Variants in LANCL2 observed in about 807,000 individuals in gnomAD.
LANCL2 encodes the protein lanC-like protein 2.
LANCL2 carries 33 observed loss-of-function variants against 56.9 expected under a neutral mutation model. The observed-to-expected ratio is 0.58, with a 90% confidence interval of 0.44 to 0.78. The LOEUF is 0.78. LANCL2 is among the 30% of genes least tolerant of loss of function. LANCL2 has a pLI of 0.00. For missense variants in LANCL2, 562 were observed against 580.2 expected (o/e 0.97, Z 0.32); for synonymous variants, 233 against 228.2 (o/e 1.02, Z -0.19).
intron 2 of LANCL2, chr7:55,393,920 A>G (rs1427565835): frequency 6.6e-6 from 1 of 152,246 alleles, no homozygotes; most frequent in East Asian, 1.9e-4. Flanking sequence ...GGAAAATAAC[A>G]TAGCTATTAG....
In LANCL2 at chr7:55,370,762, A is replaced by AT. The variant is rs554960048; in HGVS notation, c.204+4535dup. On this transcript the variant is annotated intron_variant, in intron 1 of 8. Coordinates refer to ENST00000254770, the MANE Select transcript of LANCL2 (RefSeq NM_018697.4). ...TGAGCAAGGACTTAAGGGATACCAC[A>AT]TTATGAGAATATCAAGGAGTACGGC... Among the ~76,000 whole-genome samples the AT allele has an allele frequency of 3.6e-3, 542 of 152,310 alleles. 2 individuals carry two copies. Among genetic ancestry groups the AT allele is most frequent in the African/African-American group, 0.012 (500 of 41,548 alleles).
intron 6 of LANCL2, among the ~76,000 whole-genome samples, chr7:55,419,861 TC>T (rs1390050378): frequency 6.6e-6 from 1 of 152,186 alleles, no homozygotes; most frequent in Non-Finnish European, 1.5e-5. Flanking sequence ...TTTTAAAACT[TC>T]CTTCTATGGT....
intron 6 of LANCL2, among the ~76,000 whole-genome samples, chr7:55,417,216 T>A (rs1349148860): frequency 6.6e-6 from 1 of 151,996 alleles, no homozygotes; most frequent in Non-Finnish European, 1.5e-5. Context: ...CCTAACCTCA[T>A]GATCTGCCCG....
Position 55,401,201 on chromosome 7 carries a change from A to G in LANCL2, c.706A>G (p.Lys236Glu). Residue 236 changes from lysine to glutamate, a missense_variant, in exon 5 of 9, where the codon AAG (lysine) becomes GAG (glutamate). Lys to Glu is a moderately conservative substitution (Grantham distance 56). Coordinates refer to ENST00000254770, the MANE Select transcript of LANCL2 (RefSeq NM_018697.4). Reference sequence around the variant, plus strand: ...AGTCAATGCTATTATTGAATCGGGTAAGACTTTGTCAAGGGAAGAAAGAAA... The same window carrying G: ...AGTCAATGCTATTATTGAATCGGGTGAGACTTTGTCAAGGGAAGAAAGAAA... ...EVVNAIIESG[K>E]TLSREERKTE... 1 of 1,614,102 alleles carries G rather than the reference A, an allele frequency of 6.2e-7. No homozygotes were observed. Among genetic ancestry groups the G allele is most frequent in the East Asian group, 2.2e-5 (1 of 44,886 alleles).
chr7:55,407,298 G>C (rs1790419212), intron 5 of LANCL2, among the ~76,000 whole-genome samples: 1 of 152,178 alleles, frequency 6.6e-6, no homozygotes, highest in South Asian at 2.1e-4. Context: ...CTGCCTCTCT[G>C]TCACCGCCAG....
At chr7:55,417,273 C>G (rs528896657) in intron 6 of LANCL2, among the ~76,000 whole-genome samples, 1 of 152,200 alleles carries the variant, frequency 6.6e-6, no homozygotes, top group African/African-American at 2.4e-5. Flanking sequence ...GCCACCGTGC[C>G]CAGCCTGAGG....
intron 5 of LANCL2, among the ~76,000 whole-genome samples, chr7:55,410,385 AT>A (rs1404421312): frequency 6.6e-6 from 1 of 152,230 alleles, no homozygotes; most frequent in Non-Finnish European, 1.5e-5. Flanking sequence ...GTATAGTTTT[AT>A]TTCAATGAAA....
At position 55,365,855 on chromosome 7, in the gene LANCL2, C is replaced by T; in HGVS notation, c.-171C>T. 2.1e-6 allele frequency: 1 copy of T among 479,472 alleles called. No individual in the cohort carries two copies. Among genetic ancestry groups the T allele is most frequent in the Non-Finnish European group, 3.6e-6 (1 of 276,598 alleles). The allele number at this position is 479,472 out of a possible 1,614,324, so 29.7% of individuals were successfully genotyped here. On this transcript the variant is annotated 5_prime_UTR_variant, in exon 1 of 9. Coordinates refer to ENST00000254770, the MANE Select transcript of LANCL2 (RefSeq NM_018697.4). ...CTGCGGCCGCCTGATGTGCGAGCAG[C>T]CCGCGACGAGGCAGTGCACGCTCAG...
At chr7:55,376,055 C>A (rs1423491534) in intron 1 of LANCL2, among the ~76,000 whole-genome samples, 3 of 152,136 alleles carry the variant, frequency 2.0e-5, no homozygotes, top group Admixed American at 2.0e-4. Flanking sequence ...AATCCAGCAT[C>A]CTCTCCCTAT....
intron 5 of LANCL2, among the ~76,000 whole-genome samples, chr7:55,411,191 A>G (rs1246008967): frequency 2.0e-5 from 3 of 152,240 alleles, no homozygotes; most frequent in Admixed American, 2.0e-4. Context: ...GAAGCTGTAC[A>G]GTAACTTGAG....
intron 5 of LANCL2, among the ~76,000 whole-genome samples, chr7:55,404,754 C>T (rs954295473): frequency 2.0e-5 from 3 of 152,102 alleles, no homozygotes; most frequent in Non-Finnish European, 4.4e-5. Flanking sequence ...GCTGGGATTA[C>T]AGGCATGCAC....
At chr7:55,428,527 A>G (rs754557464) in intron 8 of LANCL2, 80 bp downstream of exon 8, 125 of 1,116,498 alleles carry the variant, frequency 1.1e-4, no homozygotes, top group Non-Finnish European at 1.2e-4. Context: ...CACTGTTCAT[A>G]TTTGACCTGG....
At chr7:55,401,444 T>C in intron 5 of LANCL2, 124 bp downstream of exon 5, 1 of 569,792 alleles carries the variant, frequency 1.8e-6, no homozygotes, top group South Asian at 2.6e-5. Context: ...GATGCGTAAC[T>C]CTGCCACATA....
chr7:55,412,066 C>T lies in LANCL2; in HGVS notation c.985C>T (p.His329Tyr), dbSNP rs1790476999. 6.2e-7 allele frequency: 1 copy of T among 1,613,980 alleles called. No individual in the cohort carries two copies. The highest frequency in any genetic ancestry group is 1.1e-5 in the South Asian group (1 of 91,066). ...GTGCCACGGCGCCCCGGGGGTCATC[C>T]ACATGCTCATGCAGGCGTACAAGGT... Reference protein sequence around the residue: ...HWCHGAPGVIHMLMQAYKVFK... With the variant: ...HWCHGAPGVIYMLMQAYKVFK... The change falls in exon 6 of 9, where the codon CAC becomes TAC. Residue 329 changes from histidine to tyrosine, a missense_variant. Coordinates refer to ENST00000254770, the MANE Select transcript of LANCL2 (RefSeq NM_018697.4).
chr7:55,393,723 G>T (rs1165925757), intron 2 of LANCL2, among the ~76,000 whole-genome samples: 1 of 151,870 alleles, frequency 6.6e-6, no homozygotes, highest in Non-Finnish European at 1.5e-5. Flanking sequence ...TGCCTATTAT[G>T]CATGCAACAT....
chr7:55,377,548 T>A (rs1425848547), intron 1 of LANCL2, among the ~76,000 whole-genome samples: 1 of 152,194 alleles, frequency 6.6e-6, no homozygotes, highest in Admixed American at 6.5e-5. Flanking sequence ...TTCTAAGATT[T>A]ATTACCATGA....
intron 2 of LANCL2, among the ~76,000 whole-genome samples, chr7:55,392,254 C>G (rs1454841151): frequency 2.6e-5 from 4 of 151,960 alleles, no homozygotes; most frequent in African/African-American, 9.7e-5. Flanking sequence ...GATTGTGCCA[C>G]TGCACTCCAG....
intron 1 of LANCL2, 143 bp downstream of exon 1, chr7:55,366,372 C>T (rs894904570): frequency 5.4e-5 from 36 of 668,036 alleles, no homozygotes; most frequent in Non-Finnish European, 7.3e-5. Flanking sequence ...GTCTCCGGGC[C>T]TTCCCGATGA....
At position 55,408,065 on chromosome 7, in the gene LANCL2, G is replaced by A. The variant is rs191561522; in HGVS notation, c.826-3842G>A. On this transcript the variant is annotated intron_variant, in intron 5 of 8. Transcript: ENST00000254770. ...AAAGCAGGAAGTGGAAGAAAGCTTC[G>A]AATAAATAATAATTCATAATTAATA... Among the ~76,000 whole-genome samples, 23 of 152,266 alleles carry A rather than the reference G, an allele frequency of 1.5e-4. No individual in the cohort carries two copies. The East Asian group carries it at 3.3e-3, about 22-fold the overall frequency.
Sources: allele counts gnomAD v4.1 joint callset (sites outside exome capture counted in the v4.1 genomes callset), GRCh38; gene constraint gnomAD v4.1.1; transcripts MANE v1.5; gene names NCBI Gene and HGNC (gene_info 2026-07-23, HGNC 2026-07-21).